Variants in KALRN observed in about 807,000 individuals in gnomAD.
The protein encoded by KALRN is kalirin RhoGEF kinase.
In KALRN, 70 loss-of-function variants were observed where a neutral mutation model predicts 353.7. The ratio of observed to expected loss-of-function variants is 0.20; its 90% CI spans 0.16 to 0.24. KALRN has a LOEUF of 0.24. Among genes scored for constraint, KALRN ranks in the 10% least tolerant of loss-of-function variants. KALRN has a pLI of 1.00. For missense variants in KALRN, 2,791 were observed against 3,756.7 expected (o/e 0.74, Z 6.72); for synonymous variants, 1,391 against 1,434.8 (o/e 0.97, Z 0.69).
At chr3:124,629,814 G>GTC (rs10535810) in intron 34 of KALRN, among the ~76,000 whole-genome samples, 3 of 150,882 alleles carry the variant, frequency 2.0e-5, no homozygotes, top group South Asian at 2.1e-4. Context: ...CTCTCTCTCT[G>GTC]TCTCTCTCTC....
intron 36 of KALRN, among the ~76,000 whole-genome samples, chr3:124,636,533 GC>G (rs1578530403): frequency 6.6e-6 from 1 of 152,100 alleles, no homozygotes; most frequent in African/African-American, 2.4e-5. Flanking sequence ...TCCTGCTAAA[GC>G]CTTTTATTAC....
Position 124,697,509 on chromosome 3 carries a change from A to T in KALRN, c.7700-84A>T, listed in dbSNP as rs866943944. 2.9e-6 allele frequency: 4 copies of T among 1,357,106 alleles called. No homozygotes were observed. The African/African-American group carries it at 4.4e-5, about 15-fold the overall frequency. 84.1% of individuals were successfully genotyped at this position (1,357,106 alleles called of 1,614,324 possible). A position where few individuals can be genotyped will look rare whatever the true frequency, so the allele number is the denominator to read the frequency against. ...GAAAAAATTGTGACATCGGTTAGGT[A>T]ATGTTTCCTAGATGACTTATACCTT... is the stretch of plus-strand genomic sequence containing the variant. On this transcript the variant is annotated intron_variant, in intron 54 of 59. Transcript: ENST00000682506.
At chr3:124,634,630 G>A (rs866296937) in intron 36 of KALRN, among the ~76,000 whole-genome samples, 3 of 152,158 alleles carry the variant, frequency 2.0e-5, no homozygotes, top group East Asian at 1.9e-4. Context: ...GTACTGACCC[G>A]AGGCTTGGGG....
intron 1 of KALRN, among the ~76,000 whole-genome samples, chr3:124,155,404 T>C (rs1320067406): frequency 6.6e-6 from 1 of 152,236 alleles, no homozygotes; most frequent in Non-Finnish European, 1.5e-5. Flanking sequence ...AAGTAGTTGA[T>C]ACTACCTTGA....
intron 1 of KALRN, among the ~76,000 whole-genome samples, chr3:124,103,676 C>T (rs1175536839): frequency 2.0e-5 from 3 of 152,120 alleles, no homozygotes; most frequent in East Asian, 1.9e-4. Context: ...AACAGTAAGG[C>T]TGGGCGCAGT....
chr3:124,257,422 G>A (rs1402926799), intron 3 of KALRN, among the ~76,000 whole-genome samples: 1 of 152,224 alleles, frequency 6.6e-6, no homozygotes, highest in Admixed American at 6.5e-5. Flanking sequence ...AGTTTGAGAA[G>A]CATTGGCATA....
chr3:124,705,094 C>A (rs2062534883), intron 57 of KALRN, among the ~76,000 whole-genome samples: 1 of 152,184 alleles, frequency 6.6e-6, no homozygotes, highest in Admixed American at 6.5e-5. Context: ...CAGGAATGAA[C>A]TATACAGGCA....
intron 9 of KALRN, among the ~76,000 whole-genome samples, chr3:124,342,771 C>G (rs1352280168): frequency 6.6e-6 from 1 of 152,208 alleles, no homozygotes; most frequent in East Asian, 1.9e-4. Context: ...GCACAAATCA[C>G]TGTCACTTAT....
At chr3:124,612,844 A>T (rs1442912125) in intron 34 of KALRN, among the ~76,000 whole-genome samples, 1 of 152,220 alleles carries the variant, frequency 6.6e-6, no homozygotes, top group Non-Finnish European at 1.5e-5. Context: ...TGTTGAATGA[A>T]CGAATAATAA....
At chr3:124,494,619 C>T (rs2063517074) in intron 32 of KALRN, among the ~76,000 whole-genome samples, 1 of 152,162 alleles carries the variant, frequency 6.6e-6, no homozygotes, top group African/African-American at 2.4e-5. Context: ...TTCCCAAGCC[C>T]ACAAATGATG....
intron 1 of KALRN, among the ~76,000 whole-genome samples, chr3:124,178,626 C>T (rs902930051): frequency 6.6e-6 from 1 of 152,066 alleles, no homozygotes; most frequent in Admixed American, 6.6e-5. Flanking sequence ...AGAAAAGATA[C>T]AGTAAAAATA....
At chr3:124,530,089 A>G (rs187998940) in intron 33 of KALRN, among the ~76,000 whole-genome samples, 39 of 152,342 alleles carry the variant, frequency 2.6e-4, no homozygotes, top group African/African-American at 9.4e-4. Flanking sequence ...AGTCAGCCCA[A>G]GAAATGGTCA....
intron 34 of KALRN, among the ~76,000 whole-genome samples, chr3:124,626,571 C>G (rs2079983355): frequency 6.6e-6 from 1 of 152,070 alleles, no homozygotes. Flanking sequence ...TTTGCAGTGT[C>G]CAGGGATCCA....
intron 1 of KALRN, among the ~76,000 whole-genome samples, chr3:124,222,103 GTATT>G (rs1238366839): frequency 1.3e-5 from 2 of 152,204 alleles, no homozygotes; most frequent in Non-Finnish European, 2.9e-5. Flanking sequence ...CTTGGTGACA[GTATT>G]TATGCTACCG....
At chr3:124,117,617 T>C (rs2063573673) in intron 1 of KALRN, among the ~76,000 whole-genome samples, 1 of 152,128 alleles carries the variant, frequency 6.6e-6, no homozygotes, top group Non-Finnish European at 1.5e-5. Context: ...TAGAGGAACA[T>C]TAAGGCAGTG....
At chr3:124,624,629 G>T (rs894698883) in intron 34 of KALRN, among the ~76,000 whole-genome samples, 1 of 152,192 alleles carries the variant, frequency 6.6e-6, no homozygotes, top group Admixed American at 6.5e-5. Context: ...AATCTCAACA[G>T]TTGTTCAATT....
intron 1 of KALRN, among the ~76,000 whole-genome samples, chr3:124,086,313 G>C (rs1228555001): frequency 1.2e-5 from 1 of 82,106 alleles, no homozygotes; most frequent in Non-Finnish European, 2.2e-5. Flanking sequence ...GTTTTGTTGT[G>C]TGTGTGTGTG....
chr3:124,324,081 A>G (rs1436602389), intron 6 of KALRN, among the ~76,000 whole-genome samples: 2 of 152,184 alleles, frequency 1.3e-5, no homozygotes, highest in Non-Finnish European at 2.9e-5. Context: ...CCTCAGTGGG[A>G]CAGCTCAGAG....
At chr3:124,611,803 C>G (rs1561420248) in intron 34 of KALRN, among the ~76,000 whole-genome samples, 1 of 152,228 alleles carries the variant, frequency 6.6e-6, no homozygotes. Flanking sequence ...GCTCCAGCCA[C>G]AAGAACTTCC....
Sources: allele counts gnomAD v4.1 joint callset (sites outside exome capture counted in the v4.1 genomes callset), GRCh38; gene constraint gnomAD v4.1.1; transcripts MANE v1.5; gene names NCBI Gene and HGNC (gene_info 2026-07-23, HGNC 2026-07-21).